Variants in ITIH4 observed in about 807,000 individuals in gnomAD.
The protein encoded by ITIH4 is inter-alpha-trypsin inhibitor heavy chain H4.
ITIH4 carries 79 observed loss-of-function variants against 111.8 expected under a neutral mutation model. The observed-to-expected ratio is 0.71, with a 90% CI of 0.59 to 0.85. The LOEUF (loss-of-function observed/expected upper bound fraction) is 0.85, where lower values mean the gene tolerates loss of function less well. ITIH4 is among the 40% of genes least tolerant of loss of function. ITIH4 has a pLI of 0.00. For missense variants in ITIH4, 1,065 were observed against 1,195.8 expected (o/e 0.89, Z 1.61); for synonymous variants, 472 against 468.3 (o/e 1.01, Z -0.10).
At chr3:52,814,661 G>A (rs745811892) in intron 21 of ITIH4, among the ~76,000 whole-genome samples, 11 of 151,958 alleles carry the variant, frequency 7.2e-5, no homozygotes, top group Non-Finnish European at 1.2e-4. Flanking sequence ...ATCTCAGCTC[G>A]TTGCAACCTG....
chr3:52,823,443 A>C, intron 11 of ITIH4, 113 bp downstream of exon 11: 1 of 811,808 alleles, frequency 1.2e-6, no homozygotes, highest in Non-Finnish European at 1.9e-6. Context: ...TGTCATCCAC[A>C]GGCAGCAGAG....
chr3:52,826,106 T>A lies in ITIH4; in HGVS notation c.631-92A>T. Reference sequence around the variant, plus strand: ...CTGTCTGTATATTGGGAAATCAGAATTCCAGGATGCAGCCTTGGGTCCGTA... The same window carrying A: ...CTGTCTGTATATTGGGAAATCAGAAATCCAGGATGCAGCCTTGGGTCCGTA... On this transcript the variant is annotated intron_variant, in intron 5 of 23. Transcript: ENST00000266041. 2.0e-6 allele frequency: 3 copies of A among 1,537,104 alleles called. No homozygotes were observed. In the South Asian group the frequency reaches 3.7e-5, roughly 19 times the overall value.
chr3:52,814,258 G>T lies in ITIH4; in HGVS notation c.2577C>A (p.Leu859=). The change falls in exon 22 of 24, where the codon CTC becomes CTA. Residue 859 remains leucine, a synonymous_variant. Coordinates refer to ENST00000266041, the MANE Select transcript of ITIH4 (RefSeq NM_002218.5). ...FWDGRGEGLR[L]LLRDTDRFSS... is the part of the protein sequence containing the mutation. ...AGAAGCGGTCAGTGTCACGCAGAAG[G>T]AGCCGGAGCCCCTCCCCACGGCCAT... 6.2e-7 allele frequency: 1 copy of T among 1,613,846 alleles called. No individual in the cohort carries two copies.
chr3:52,823,689 T>C lies in ITIH4; in HGVS notation c.1406A>G (p.Tyr469Cys). The C allele has an allele frequency of 6.2e-7, 1 of 1,614,128 alleles. No homozygotes were observed. The highest frequency in any genetic ancestry group is 8.5e-7 in the Non-Finnish European group (1 of 1,180,016). The change falls in exon 11 of 24, where the codon TAC becomes TGC. Residue 469 changes from tyrosine (Y) to cysteine (C), a missense_variant. Physicochemically the swap from Tyr to Cys is radical, Grantham distance 194 (BLOSUM62 -2). Coordinates refer to ENST00000266041, the MANE Select transcript of ITIH4 (RefSeq NM_002218.5). ...NPLLTAVTFE[Y>C]PSNAVEEVTQ... ...GACCTCCTCCACGGCATTGCTTGGGTACTCGAAGGTCACTGCTGTCAGCAG... is the reference window on the plus strand; with the variant it reads ...GACCTCCTCCACGGCATTGCTTGGGCACTCGAAGGTCACTGCTGTCAGCAG...
In ITIH4 at chr3:52,816,904, C is replaced by T. The variant is rs755043796; in HGVS notation, c.2451G>A (p.Thr817=). Reference sequence around the variant, plus strand: ...CTTACCCGGGCATCACTGAGAATAGCGTCTCCTTCCACTTGTACGCAGAGC... The same window carrying T: ...CTTACCCGGGCATCACTGAGAATAGTGTCTCCTTCCACTTGTACGCAGAGC... ...RRSSAYKWKE[T]LFSVMPGLKM... The change falls in exon 21 of 24, where the codon ACG becomes ACA. Residue 817 remains threonine (T), a synonymous_variant. Coordinates refer to ENST00000266041, the MANE Select transcript of ITIH4 (RefSeq NM_002218.5). The T allele has an allele frequency of 4.8e-5, 78 of 1,613,684 alleles. No individual in the cohort carries two copies. In the Middle Eastern group the frequency reaches 4.9e-4, roughly 10 times the overall value.
At position 52,814,621 on chromosome 3, in the gene ITIH4, C is replaced by G. The variant is rs573216860; in HGVS notation, c.2472-258G>C. ...GGTGGGGCAGGGACAGGGTCTCACT[C>G]TGTCCCCCAGGCTGCAGTGCAGTGG... is the stretch of plus-strand genomic sequence containing the variant. On this transcript the variant is annotated intron_variant, in intron 21 of 23. Coordinates refer to ENST00000266041, the MANE Select transcript of ITIH4 (RefSeq NM_002218.5). 1.3e-4 allele frequency among the ~76,000 whole-genome samples: 20 copies of G among 152,300 alleles called. No individual in the cohort carries two copies. In the South Asian group the frequency reaches 4.1e-3, roughly 32 times the overall value.
Position 52,819,461 on chromosome 3 carries a change from A to G in ITIH4, c.2009T>C (p.Leu670Pro). The G allele has an allele frequency of 6.2e-7, 1 of 1,614,134 alleles. No homozygotes were observed. Among genetic ancestry groups the G allele is most frequent in the Non-Finnish European group, 8.5e-7 (1 of 1,179,994 alleles). ...AACATCAGGAGGTCCTGGGAGTCCA[A>G]GTTGCCTGGAGCTGAGAACCCCAGG... ...FRPGVLSSRQ[L>P]GLPGPPDVPD... The change falls in exon 17 of 24, where the codon CTT becomes CCT. Residue 670 changes from leucine to proline, a missense_variant. Physicochemically the swap from Leu to Pro is moderately conservative, Grantham distance 98 (BLOSUM62 -3). Coordinates refer to ENST00000266041, the MANE Select transcript of ITIH4 (RefSeq NM_002218.5).
At chr3:52,816,514 T>C (rs1055695586) in intron 21 of ITIH4, among the ~76,000 whole-genome samples, 2 of 152,116 alleles carry the variant, frequency 1.3e-5, no homozygotes, top group Non-Finnish European at 2.9e-5. Context: ...CCAACTACAC[T>C]CTCTCATTGG....
chr3:52,824,619 G>T lies in ITIH4; in HGVS notation c.877-54C>A. The T allele has an allele frequency of 6.4e-7, 1 of 1,555,418 alleles. No individual in the cohort carries two copies. The highest frequency in any genetic ancestry group is 8.7e-7 in the Non-Finnish European group (1 of 1,146,448). On this transcript the variant is annotated intron_variant, in intron 7 of 23. Coordinates refer to ENST00000266041, the MANE Select transcript of ITIH4 (RefSeq NM_002218.5). This position sits in a 1 kb window ranked among gnomAD's most constrained non-coding sequence, Gnocchi z 4.3. ...TCAGAAGGGCTCCCTGAGGGCTCGT[G>T]TGCCCTAGGGCTGGCATCCTTGGAC...
Position 52,819,459 on chromosome 3 carries a change from C to G in ITIH4, c.2011G>C (p.Gly671Arg), listed in dbSNP as rs776221657. The stretch of plus-strand genomic sequence containing the variant: ...GGAACATCAGGAGGTCCTGGGAGTC[C>G]AAGTTGCCTGGAGCTGAGAACCCCA... ...RPGVLSSRQL[G>R]LPGPPDVPDH... is the part of the protein sequence containing the mutation. The change falls in exon 17 of 24, where the codon GGA (glycine) becomes CGA (arginine). Residue 671 changes from glycine (G) to arginine (R), a missense_variant. Transcript: ENST00000266041. 3 of 1,614,118 alleles carry G rather than the reference C, an allele frequency of 1.9e-6. No homozygotes were observed. In the South Asian group the frequency reaches 3.3e-5, roughly 18 times the overall value.
Position 52,818,466 on chromosome 3 carries a change from G to A in ITIH4, c.2148C>T (p.Ile716=), listed in dbSNP as rs761389777. 4.4e-6 allele frequency: 7 copies of A among 1,601,240 alleles called. No individual in the cohort carries two copies. Among genetic ancestry groups the A allele is most frequent in the Non-Finnish European group, 2.6e-6 (3 of 1,173,660 alleles). Residue 716 remains isoleucine, a synonymous_variant, in exon 18 of 24, where the codon ATC becomes ATT. Coordinates refer to ENST00000266041, the MANE Select transcript of ITIH4 (RefSeq NM_002218.5). ...PAVSRVMNMK[I]EETTMTTQTP... is the part of the protein sequence containing the mutation. ...GGCCTCTGGCCTTGGGGGCACCTTC[G>A]ATTTTCATATTCATGACACGAGACA...
chr3:52,820,862 G>A (rs928232793), intron 12 of ITIH4, 77 bp from the exon 13 acceptor site: 57 of 1,552,822 alleles, frequency 3.7e-5, no homozygotes, highest in African/African-American at 4.1e-5. Flanking sequence ...CTTCTGGGGA[G>A]GTCCCTCTGG....
At position 52,818,055 on chromosome 3, in the gene ITIH4, G is replaced by C. The variant is rs1700310189; in HGVS notation, c.2293C>G (p.Gln765Glu). The part of the protein sequence containing the change: ...GPVNLLSDPE[Q>E]GVEVTGQYER... ...TCTCTGGGTGTGCCTCTCTCACCTT[G>C]CTCAGGGTCTGAGAGCAGGTTCACT... The change falls in exon 20 of 24, where the codon CAA becomes GAA. Residue 765 changes from glutamine to glutamate, a missense_variant. Gln to Glu is a conservative substitution (Grantham distance 29, BLOSUM62 2). Coordinates refer to ENST00000266041, the MANE Select transcript of ITIH4 (RefSeq NM_002218.5). 1.9e-6 allele frequency: 3 copies of C among 1,611,072 alleles called. No individual in the cohort carries two copies. The highest frequency in any genetic ancestry group is 2.7e-5 in the African/African-American group (2 of 75,014).
In ITIH4 at chr3:52,823,567, T is replaced by G. The variant is rs1455742620; in HGVS notation, c.1528A>C (p.Ser510Arg). ...TTGGCCACACTCACCAGCTTCCCAC[T>G]GACTGTGGCTGTGAGCACATCAGGC... ...RGPDVLTATV[S>R]GKLPTQNITF... The change falls in exon 11 of 24, where the codon AGT becomes CGT. Residue 510 changes from serine to arginine, a missense_variant. Transcript: ENST00000266041. The G allele has an allele frequency of 6.2e-7, 1 of 1,608,110 alleles. No homozygotes were observed.
At chr3:52,823,192 C>T (rs541747327) in intron 11 of ITIH4, 5 of 193,954 alleles carry the variant, frequency 2.6e-5, no homozygotes, top group South Asian at 1.4e-4. Context: ...CAGTGGGGCC[C>T]GGGGAAAGCT....
Position 52,814,213 on chromosome 3 carries a change from G to A in ITIH4, c.2622C>T (p.Thr874=), listed in dbSNP as rs1218019771. The part of the protein sequence containing the change: ...TDRFSSHVGG[T]LGQFYQEVLW... ...CCCCGGTAATGGGCTCAGTACCAAGGGTCCCTCCAACGTGGCTGGAGAAGC... is the reference window on the plus strand; with the variant it reads ...CCCCGGTAATGGGCTCAGTACCAAGAGTCCCTCCAACGTGGCTGGAGAAGC... The change falls in exon 22 of 24, where the codon ACC becomes ACT. Residue 874 remains threonine (T), a synonymous_variant. Transcript: ENST00000266041. The A allele has an allele frequency of 1.2e-6, 2 of 1,613,208 alleles. No individual in the cohort carries two copies. Among genetic ancestry groups the A allele is most frequent in the Non-Finnish European group, 1.7e-6 (2 of 1,179,824 alleles).
In ITIH4 at chr3:52,821,214, T is replaced by G. The variant is rs1355188350; in HGVS notation, c.1540-84A>C. ...TGGCACTTCTGAGCTCTTCCATGAT[T>G]GGGGCTGGGGCAGGTCCCACACACT... On this transcript the variant is annotated intron_variant, in intron 11 of 23. Transcript: ENST00000266041. 1.2e-5 allele frequency: 18 copies of G among 1,489,092 alleles called. No individual in the cohort carries two copies. In the East Asian group the frequency reaches 3.2e-4, roughly 27 times the overall value. The allele number at this position is 1,489,092 out of a possible 1,614,324, so 92.2% of individuals were successfully genotyped here.
Position 52,818,493 on chromosome 3 carries a change from A to G in ITIH4, c.2121T>C (p.Ala707=), listed in dbSNP as rs367670747. Residue 707 remains alanine (A), a synonymous_variant, in exon 18 of 24, where the codon GCT becomes GCC. Transcript: ENST00000266041. ...APPATSNPDP[A]VSRVMNMKIE... ...TTTTCATATTCATGACACGAGACAC[A>G]GCTGGATCAGGATTTGAGGTGGCTG... 40 of 1,605,832 alleles carry G rather than the reference A, an allele frequency of 2.5e-5. No individual in the cohort carries two copies. Among genetic ancestry groups the G allele is most frequent in the African/African-American group, 4.0e-5 (3 of 74,724 alleles).
rs191091128 is a variant in ITIH4, at chr3:52,816,520, A to G, written c.2471+364T>C. 1.8e-3 allele frequency among the ~76,000 whole-genome samples: 279 copies of G among 152,232 alleles called. 1 individual carries two copies. Among genetic ancestry groups the G allele is most frequent in the Admixed American group, 2.7e-3 (42 of 15,302 alleles). On this transcript the variant is annotated intron_variant, in intron 21 of 23. Coordinates refer to ENST00000266041, the MANE Select transcript of ITIH4 (RefSeq NM_002218.5). ...AAAGTGCTCCCAACTACACTCTCTC[A>G]TTGGGTTCTCCCCCCAGCCTTCTGA... is the stretch of plus-strand genomic sequence containing the variant.
Sources: gnomAD v4.1 joint callset for allele counts (sites outside exome capture counted in the v4.1 genomes callset) on GRCh38, gnomAD v4.1.1 for gene constraint, Gnocchi (gnomAD v3.1) non-coding constraint, MANE v1.5 for transcripts, NCBI Gene and HGNC (gene_info 2026-07-23, HGNC 2026-07-21) for gene names.